The following ZNF681 variants were observed in gnomAD, a reference collection of about 807,000 sequenced individuals.
The protein encoded by ZNF681 is zinc finger protein 681, also known as hypothetical protein FLJ31526.
A neutral mutation model predicts 56.0 loss-of-function variants in ZNF681; 37 were observed. The observed-to-expected ratio is 0.66, with a 90% confidence interval of 0.51 to 0.87. ZNF681 has a LOEUF of 0.87. ZNF681 is among the 40% of genes least tolerant of loss of function. The pLI is 0.00. For missense variants in ZNF681, 741 were observed against 744.9 expected (o/e 0.99, Z 0.06); for synonymous variants, 225 against 248.6 (o/e 0.91, Z 0.89).
chr19:23,755,362 T>C, intron 2 of ZNF681, 63 bp downstream of exon 2: 1 of 1,538,378 alleles, frequency 6.5e-7, no homozygotes, highest in Non-Finnish European at 8.7e-7. Context: ...AAAAACATTA[T>C]ACAAAAAAGA....
intron 3 of ZNF681, among the ~76,000 whole-genome samples, chr19:23,750,221 T>C (rs1434349072): frequency 6.8e-6 from 1 of 147,372 alleles, no homozygotes; most frequent in Non-Finnish European, 1.5e-5. Context: ...GAGGCAGAGG[T>C]TGCAGTTAGC....
At position 23,742,980 on chromosome 19, in the gene ZNF681, C is replaced by A. The variant is rs375150816; in HGVS notation, c.*632G>T. ...TGATTTAGTGTAATGCCTGAAGTGTCAGTGCCTTAACTATTTCTACTGTGA... is the reference window on the plus strand; with the variant it reads ...TGATTTAGTGTAATGCCTGAAGTGTAAGTGCCTTAACTATTTCTACTGTGA... On this transcript the variant is annotated 3_prime_UTR_variant, in exon 4 of 4. Coordinates refer to ENST00000402377, the MANE Select transcript of ZNF681 (RefSeq NM_138286.3). 2.0e-5 allele frequency: 3 copies of A among 152,120 alleles called. No homozygotes were observed. Among genetic ancestry groups the A allele is most frequent in the African/African-American group, 7.2e-5 (3 of 41,408 alleles). The allele number at this position is 152,120 out of a possible 1,614,324, so 9.4% of individuals were successfully genotyped here.
Position 23,743,718 on chromosome 19 carries a change from A to T in ZNF681, c.1832T>A (p.Ile611Asn). 1 of 1,612,358 alleles carries T rather than the reference A, an allele frequency of 6.2e-7. No individual in the cohort carries two copies. The highest frequency in any genetic ancestry group is 1.3e-5 in the African/African-American group (1 of 74,960). The change falls in exon 4 of 4, where the codon ATT (isoleucine) becomes AAT (asparagine). Residue 611 changes from isoleucine to asparagine, a missense_variant. Coordinates refer to ENST00000402377, the MANE Select transcript of ZNF681 (RefSeq NM_138286.3). The part of the protein sequence containing the change: ...QSSNLTGHKK[I>N]HTGEKLYKPK... ...TTTGTAGAGTTTCTCACCAGTATGAATTTTCTTATGTCCAGTAAGGTTTGA... is the reference window on the plus strand; with the variant it reads ...TTTGTAGAGTTTCTCACCAGTATGATTTTTCTTATGTCCAGTAAGGTTTGA...
In ZNF681 at chr19:23,754,886, A is replaced by G. The variant is rs1273833679; in HGVS notation, c.163T>C (p.Cys55Arg). The change falls in exon 3 of 4, where the codon TGT becomes CGT. Residue 55 changes from cysteine to arginine, a missense_variant. Cys to Arg is a radical substitution (Grantham distance 180, BLOSUM62 -3). Coordinates refer to ENST00000402377, the MANE Select transcript of ZNF681 (RefSeq NM_138286.3). ...IVVSKPDLITCLEQEKEPWTR... is the reference protein window; with the variant it reads ...IVVSKPDLITRLEQEKEPWTR... Reference sequence around the variant, plus strand: ...CAAGGCTCTTTTTCTTGTTCCAGACAGGTGATCAGGTCTGGCTTAGAGACA... The same window carrying G: ...CAAGGCTCTTTTTCTTGTTCCAGACGGGTGATCAGGTCTGGCTTAGAGACA... The G allele has an allele frequency of 1.9e-6, 3 of 1,614,072 alleles. No homozygotes were observed. The highest frequency in any genetic ancestry group is 8.5e-7 in the Non-Finnish European group (1 of 1,179,988).
At chr19:23,753,413 T>C (rs1695721289) in intron 3 of ZNF681, among the ~76,000 whole-genome samples, 2 of 152,298 alleles carry the variant, frequency 1.3e-5, no homozygotes, top group African/African-American at 4.8e-5. Context: ...AAAAATCTTA[T>C]TTACAATAGC....
rs1240299836 is a variant in ZNF681, at chr19:23,739,833, A to G, written c.*3779T>C. The G allele has an allele frequency of 1.3e-5, 2 of 152,200 alleles. No individual in the cohort carries two copies. The highest frequency in any genetic ancestry group is 4.8e-5 in the African/African-American group (2 of 41,448). The allele number at this position is 152,200 out of a possible 1,614,324, so 9.4% of individuals were successfully genotyped here. On this transcript the variant is annotated 3_prime_UTR_variant, in exon 4 of 4. Transcript: ENST00000402377. ...TGAACTTCACCCACTAAAAAAACAT[A>G]TAAAACTGAGAAAATTTCTTCAAAT... is the stretch of plus-strand genomic sequence containing the variant.
At chr19:23,754,778 C>T (rs757797405) in intron 3 of ZNF681, 45 bp downstream of exon 3, 29 of 1,478,504 alleles carry the variant, frequency 2.0e-5, no homozygotes, top group East Asian at 6.8e-5. Context: ...ACCTTTGAAC[C>T]GCTCATCTAT....
In ZNF681 at chr19:23,754,901, G is replaced by T. The variant is rs1568312523; in HGVS notation, c.148C>A (p.Pro50Thr). ...TGTTCCAGACAGGTGATCAGGTCTG[G>T]CTTAGAGACAACAATACCTGTTTTA... ...LVFLGIVVSK[P>T]DLITCLEQEK... Residue 50 changes from proline (P) to threonine (T), a missense_variant, in exon 3 of 4, where the codon CCA becomes ACA. Coordinates refer to ENST00000402377, the MANE Select transcript of ZNF681 (RefSeq NM_138286.3). The T allele has an allele frequency of 6.2e-7, 1 of 1,613,238 alleles. No homozygotes were observed.
Position 23,744,452 on chromosome 19 carries a change from G to A in ZNF681, c.1098C>T (p.Tyr366=), listed in dbSNP as rs1568309533. ...HKIIHTGEKP[Y]RCEECGKAFR... ...AGGCTTTGCCACATTCTTCACATCTGTAGGGCTTCTCTCCAGTATGAATTA... is the reference window on the plus strand; with the variant it reads ...AGGCTTTGCCACATTCTTCACATCTATAGGGCTTCTCTCCAGTATGAATTA... The change falls in exon 4 of 4, where the codon TAC becomes TAT. Residue 366 remains tyrosine, a synonymous_variant. Transcript: ENST00000402377. The A allele has an allele frequency of 1.9e-6, 3 of 1,578,230 alleles. No homozygotes were observed. Among genetic ancestry groups the A allele is most frequent in the Non-Finnish European group, 2.6e-6 (3 of 1,159,104 alleles).
chr19:23,749,296 CAG>C (rs1381807155), intron 3 of ZNF681, among the ~76,000 whole-genome samples: 9 of 151,750 alleles, frequency 5.9e-5, no homozygotes, highest in Non-Finnish European at 1.2e-4. Flanking sequence ...CTCATAAAAA[CAG>C]AAAGTAGAAG....
At position 23,744,258 on chromosome 19, in the gene ZNF681, G is replaced by T; in HGVS notation, c.1292C>A (p.Ser431Tyr). ...PYQCEKCGKA[S>Y]NQSSNLTEHK... ...TTCAGTAAGGTTTGAGGATTGGTTA[G>T]AAGCTTTGCCACATTTTTCACACTG... The change falls in exon 4 of 4, where the codon TCT becomes TAT. Residue 431 changes from serine to tyrosine, a missense_variant. Transcript: ENST00000402377. 2 of 1,611,908 alleles carry T rather than the reference G, an allele frequency of 1.2e-6. No individual in the cohort carries two copies. The highest frequency in any genetic ancestry group is 1.7e-6 in the Non-Finnish European group (2 of 1,179,366).
At chr19:23,755,349 C>T in intron 2 of ZNF681, 76 bp downstream of exon 2, 1 of 1,513,558 alleles carries the variant, frequency 6.6e-7, no homozygotes, top group Non-Finnish European at 8.8e-7. Flanking sequence ...GCATAAATTA[C>T]CTAAAAACAT....
intron 1 of ZNF681, among the ~76,000 whole-genome samples, chr19:23,758,538 G>A (rs1350046215): frequency 6.6e-6 from 1 of 152,190 alleles, no homozygotes; most frequent in Non-Finnish European, 1.5e-5. Context: ...AGAGAGAGCT[G>A]CAGGCCAGGA....
chr19:23,745,446 C>A, intron 3 of ZNF681, 123 bp from the exon 4 acceptor site: 2 of 741,344 alleles, frequency 2.7e-6, no homozygotes, highest in Non-Finnish European at 3.8e-6. Context: ...ACCAAAGGCC[C>A]TAATTTTTTT....
rs1465079012 is a variant in ZNF681 at position 23,742,953 on chromosome 19, T to C, written c.*659A>G. On this transcript the variant is annotated 3_prime_UTR_variant, in exon 4 of 4. Transcript: ENST00000402377. ...TTAGATTCTTTTCTATACTCAGCAA[T>C]CTGATTTAGTGTAATGCCTGAAGTG... The C allele has an allele frequency of 6.6e-6, 1 of 152,188 alleles. No homozygotes were observed. Among genetic ancestry groups the C allele is most frequent in the Non-Finnish European group, 1.5e-5 (1 of 68,028 alleles). 9.4% of individuals were successfully genotyped at this position (152,188 alleles called of 1,614,324 possible).
At chr19:23,756,574 T>G (rs1040335735) in intron 1 of ZNF681, among the ~76,000 whole-genome samples, 1 of 152,044 alleles carries the variant, frequency 6.6e-6, no homozygotes, top group African/African-American at 2.4e-5. Flanking sequence ...TTGTCACTCA[T>G]TAGTAAGAGT....
intron 3 of ZNF681, among the ~76,000 whole-genome samples, chr19:23,749,874 GTGTT>G (rs1037516742): frequency 4.6e-5 from 7 of 151,702 alleles, no homozygotes; most frequent in African/African-American, 1.7e-4. Context: ...AATCACAAAA[GTGTT>G]TGTCTCACAC....
intron 3 of ZNF681, among the ~76,000 whole-genome samples, chr19:23,753,249 A>G (rs1206642729): frequency 1.4e-4 from 22 of 152,370 alleles, no homozygotes; most frequent in Non-Finnish European, 1.9e-4. Context: ...AAATACAAAA[A>G]TTAGCCAGGC....
Position 23,744,939 on chromosome 19 carries a change from CCACAGTCTT to C in ZNF681, c.602_610del (p.Glu201_Cys203del). ...GATTGAGGATCCATTAAAGGCTTTT[CCACAGTCTT>C]CACATTTGTAGAAATTTACTCTAGT... On this transcript the variant is annotated inframe_deletion, in exon 4 of 4. Coordinates refer to ENST00000402377, the MANE Select transcript of ZNF681 (RefSeq NM_138286.3). 1 of 1,604,738 alleles carries C rather than the reference CCACAGTCTT, an allele frequency of 6.2e-7. No homozygotes were observed. The highest frequency in any genetic ancestry group is 8.5e-7 in the Non-Finnish European group (1 of 1,176,224).
Sources: gnomAD v4.1 joint callset for allele counts (sites outside exome capture counted in the v4.1 genomes callset) on GRCh38, gnomAD v4.1.1 for gene constraint, MANE v1.5 for transcripts, NCBI Gene and HGNC (gene_info 2026-07-23, HGNC 2026-07-21) for gene names.